DIP2B: variants seen among roughly 807,000 people sequenced by gnomAD.
The protein encoded by DIP2B is disco-interacting protein 2 homolog B.
Under a neutral mutation model 198.0 loss-of-function variants are expected in DIP2B, and 76 were observed. The observed-to-expected ratio is 0.38, with a 90% CI of 0.32 to 0.46. The LOEUF (loss-of-function observed/expected upper bound fraction) is 0.46, where lower values mean the gene tolerates loss of function less well. Ranked by LOEUF, DIP2B falls within the 20% of genes least tolerant of loss-of-function variation. DIP2B has a pLI of 0.99. For missense variants in DIP2B, 1,559 were observed against 1,978.4 expected (o/e 0.79, Z 4.02); for synonymous variants, 701 against 739.1 (o/e 0.95, Z 0.84).
intron 1 of DIP2B, among the ~76,000 whole-genome samples, chr12:50,608,163 C>T (rs1565843237): frequency 6.6e-6 from 1 of 152,066 alleles, no homozygotes; most frequent in Non-Finnish European, 1.5e-5. Flanking sequence ...AATTTGTGTC[C>T]ACCAATTATT....
In DIP2B at chr12:50,745,939, G is replaced by A. The variant is rs1259952609; in HGVS notation, c.*1100G>A. On this transcript the variant is annotated 3_prime_UTR_variant, in exon 38 of 38. Coordinates refer to ENST00000301180, the MANE Select transcript of DIP2B (RefSeq NM_173602.3). ...TCTGTTCTTCCAGTTCACGAGGGCA[G>A]GGGGTTTAAAACAAGAATGATAGGC... The A allele has an allele frequency of 6.6e-6, 1 of 152,196 alleles. No homozygotes were observed. Among genetic ancestry groups the A allele is most frequent in the Non-Finnish European group, 1.5e-5 (1 of 68,066 alleles). 9.4% of individuals were successfully genotyped at this position (152,196 alleles called of 1,614,324 possible).
At chr12:50,583,608 C>T (rs952136807) in intron 1 of DIP2B, among the ~76,000 whole-genome samples, 5 of 152,242 alleles carry the variant, frequency 3.3e-5, no homozygotes, top group African/African-American at 2.4e-5. Context: ...AGTGGGGTAA[C>T]GTACTGATAA....
At chr12:50,734,064 T>G in intron 32 of DIP2B, 71 bp from the exon 33 acceptor site, 1 of 1,557,364 alleles carries the variant, frequency 6.4e-7, no homozygotes. Flanking sequence ...GGCTAAATTA[T>G]TTCTTGGTTT....
At chr12:50,629,133 C>T (rs1216123521) in intron 2 of DIP2B, among the ~76,000 whole-genome samples, 2 of 152,162 alleles carry the variant, frequency 1.3e-5, no homozygotes, top group Non-Finnish European at 2.9e-5. Context: ...CCACCCGTCT[C>T]GGCCTCCCAA....
At chr12:50,698,489 T>G in intron 18 of DIP2B, 22 bp downstream of exon 18, 1 of 1,594,560 alleles carries the variant, frequency 6.3e-7, no homozygotes, top group Non-Finnish European at 8.5e-7. Context: ...GGAGCATCAT[T>G]TGGTTTTTCA....
At chr12:50,620,647 T>TG (rs1287585283) in intron 1 of DIP2B, among the ~76,000 whole-genome samples, 7 of 152,230 alleles carry the variant, frequency 4.6e-5, no homozygotes, top group African/African-American at 1.7e-4. Context: ...CAAAAAAACT[T>TG]GAACAACAGG....
intron 1 of DIP2B, among the ~76,000 whole-genome samples, chr12:50,516,129 G>C (rs897698924): frequency 2.6e-5 from 4 of 151,744 alleles, no homozygotes; most frequent in African/African-American, 7.3e-5. Flanking sequence ...GGGCAAACAG[G>C]CTCCCTCAAG....
At chr12:50,644,722 A>C (rs1355446922) in intron 3 of DIP2B, among the ~76,000 whole-genome samples, 1 of 152,134 alleles carries the variant, frequency 6.6e-6, no homozygotes, top group Non-Finnish European at 1.5e-5. Context: ...TTCGTTTTGT[A>C]ATCTGTTGCT....
intron 1 of DIP2B, among the ~76,000 whole-genome samples, chr12:50,571,548 GTTT>G (rs71083600): frequency 0.23 from 19,549 of 84,072 alleles, 731 homozygotes; most frequent in East Asian, 0.3. Context: ...AAACCTAGGC[GTTT>G]TTTTTTTTTT....
Position 50,673,908 on chromosome 12 carries a change from C to A in DIP2B, c.641-566C>A, listed in dbSNP as rs77658849. Among the ~76,000 whole-genome samples, 795 of 152,166 alleles carry A rather than the reference C, an allele frequency of 5.2e-3. 1 individual carries two copies. The highest frequency in any genetic ancestry group is 0.018 in the African/African-American group (767 of 41,506). ...ATTACCTATGGATTATTGTATGATC[C>A]AAATTACCTATGGATTATTGTATAA... is the stretch of plus-strand genomic sequence containing the variant. On this transcript the variant is annotated intron_variant, in intron 5 of 37. Transcript: ENST00000301180.
At position 50,692,007 on chromosome 12, in the gene DIP2B, G is replaced by A. The variant is rs546152724; in HGVS notation, c.1654+856G>A. The stretch of plus-strand genomic sequence containing the variant: ...TTGCACCCTGGAGGCAGAGGTTGCA[G>A]TGAGCCGAGATCATGCCACTGCACT... On this transcript the variant is annotated intron_variant, in intron 13 of 37. Coordinates refer to ENST00000301180, the MANE Select transcript of DIP2B (RefSeq NM_173602.3). Among the ~76,000 whole-genome samples, 13 of 152,232 alleles carry A rather than the reference G, an allele frequency of 8.5e-5. No homozygotes were observed. In the East Asian group the frequency reaches 1.9e-3, roughly 23 times the overall value.
chr12:50,593,368 G>A (rs1025092711), intron 1 of DIP2B, among the ~76,000 whole-genome samples: 3 of 152,034 alleles, frequency 2.0e-5, no homozygotes, highest in Middle Eastern at 3.2e-3. Flanking sequence ...AGCTAGGCGT[G>A]GTGACATGCA....
chr12:50,599,800 T>C (rs1307933922), intron 1 of DIP2B, among the ~76,000 whole-genome samples: 1 of 152,254 alleles, frequency 6.6e-6, no homozygotes, highest in Non-Finnish European at 1.5e-5. Flanking sequence ...TATTTATTAG[T>C]GTAACAGCTA....
intron 1 of DIP2B, among the ~76,000 whole-genome samples, chr12:50,531,148 C>G (rs1182547576): frequency 6.6e-6 from 1 of 152,204 alleles, no homozygotes; most frequent in Non-Finnish European, 1.5e-5. Context: ...TGGGTTCACG[C>G]CATTCTCCTG....
At chr12:50,578,504 CTTT>C (rs62685162) in intron 1 of DIP2B, among the ~76,000 whole-genome samples, 4 of 111,600 alleles carry the variant, frequency 3.6e-5, no homozygotes, top group Admixed American at 1.0e-4. Context: ...GTTATTTGCT[CTTT>C]TTTTTTTTTT....
intron 1 of DIP2B, among the ~76,000 whole-genome samples, chr12:50,543,929 A>AAC (rs1489812354): frequency 6.7e-6 from 1 of 148,150 alleles, no homozygotes; most frequent in Non-Finnish European, 1.5e-5. Context: ...GCCTTTAAAA[A>AAC]AAAAAAAAAA....
chr12:50,552,500 T>G (rs1958435527), intron 1 of DIP2B, among the ~76,000 whole-genome samples: 1 of 151,954 alleles, frequency 6.6e-6, no homozygotes, highest in South Asian at 2.1e-4. Flanking sequence ...TCTCCTGACT[T>G]CGTGATCCAC....
At chr12:50,559,745 A>ACACACACAC (rs1555184070) in intron 1 of DIP2B, among the ~76,000 whole-genome samples, 29 of 150,958 alleles carry the variant, frequency 1.9e-4, no homozygotes, top group South Asian at 6.3e-4. Context: ...ACACACACAC[A>ACACACACAC]ATTTCTAGTA....
intron 1 of DIP2B, among the ~76,000 whole-genome samples, chr12:50,506,886 C>T (rs1444043049): frequency 2.0e-5 from 3 of 152,090 alleles, no homozygotes; most frequent in Non-Finnish European, 2.9e-5. Flanking sequence ...GAGAGGTTTG[C>T]CTGGATGCTT....
Sources: allele counts gnomAD v4.1 joint callset (sites outside exome capture counted in the v4.1 genomes callset), GRCh38; gene constraint gnomAD v4.1.1; transcripts MANE v1.5; gene names NCBI Gene and HGNC (gene_info 2026-07-23, HGNC 2026-07-21).